Variants in COQ8B observed in about 807,000 individuals in gnomAD.
COQ8B encodes atypical kinase COQ8B, mitochondrial.
Under a neutral mutation model 62.0 loss-of-function variants are expected in COQ8B, and 44 were observed. That is an observed-to-expected ratio of 0.71 (90% CI 0.56 to 0.91). The LOEUF is 0.91. COQ8B is among the 40% of genes least tolerant of loss of function. COQ8B has a pLI of 0.00. For synonymous variants in COQ8B, 252 were observed against 289.9 expected, an observed-to-expected ratio of 0.87 and a Z score of 1.33; for missense variants, 649 against 731.6, an observed-to-expected ratio of 0.89 and a Z score of 1.30.
chr19:40,694,265 A>T (rs1401497173), intron 13 of COQ8B, among the ~76,000 whole-genome samples: 1 of 151,876 alleles, frequency 6.6e-6, no homozygotes, highest in Non-Finnish European at 1.5e-5. Flanking sequence ...TCTCCCAGCC[A>T]CCCCTCTGCC....
intron 1 of COQ8B, 76 bp from the exon 2 acceptor site, chr19:40,714,711 C>T (rs1176533646): frequency 1.4e-6 from 2 of 1,384,430 alleles, no homozygotes; most frequent in Non-Finnish European, 2.0e-6. Flanking sequence ...TCCTCTGTGT[C>T]CACCCTCTCT....
intron 9 of COQ8B, chr19:40,703,336 G>C: frequency 3.5e-6 from 2 of 574,280 alleles, no homozygotes; most frequent in Non-Finnish European, 3.1e-6. Context: ...TCTCTCTAAG[G>C]CTCTGTTAAA....
At chr19:40,694,633 T>C (rs1277280877) in intron 13 of COQ8B, among the ~76,000 whole-genome samples, 1 of 152,152 alleles carries the variant, frequency 6.6e-6, no homozygotes, top group Non-Finnish European at 1.5e-5. Context: ...AATCTGCACT[T>C]GCACAGGATC....
chr19:40,694,905 T>A (rs1386336446), intron 13 of COQ8B, among the ~76,000 whole-genome samples: 1 of 152,148 alleles, frequency 6.6e-6, no homozygotes, highest in Non-Finnish European at 1.5e-5. Context: ...CCATGCTAGG[T>A]CCTCACTGTC....
intron 5 of COQ8B, among the ~76,000 whole-genome samples, chr19:40,709,489 A>G (rs186646358): frequency 8.5e-5 from 13 of 152,206 alleles, no homozygotes; most frequent in African/African-American, 3.1e-4. Context: ...TGGCACTTCT[A>G]TTTTCAGCTT....
chr19:40,696,352 C>T lies in COQ8B; in HGVS notation c.1144-298G>A, dbSNP rs569449553. Among the ~76,000 whole-genome samples, 7 of 152,184 alleles carry T rather than the reference C, an allele frequency of 4.6e-5. No individual in the cohort carries two copies. The South Asian group carries it at 1.5e-3, about 32-fold the overall frequency. On this transcript the variant is annotated intron_variant, in intron 12 of 14. Coordinates refer to ENST00000324464, the MANE Select transcript of COQ8B (RefSeq NM_024876.4). The stretch of plus-strand genomic sequence containing the variant: ...TAAAATGAATACTCACAAATCCTGC[C>T]ACCCAGCCTAAAATATAAAATACTC...
In COQ8B at chr19:40,694,413, C is replaced by A. The variant is rs548858561; in HGVS notation, c.1210-1376G>T. 2.0e-5 allele frequency among the ~76,000 whole-genome samples: 3 copies of A among 152,354 alleles called. No individual in the cohort carries two copies. The East Asian group carries it at 5.8e-4, about 29-fold the overall frequency. On this transcript the variant is annotated intron_variant, in intron 13 of 14. Coordinates refer to ENST00000324464, the MANE Select transcript of COQ8B (RefSeq NM_024876.4). ...CTCCGCAGGGCACCTGGATACAGTACGAGCTGTAGAGCGCAGCCTCTAAAA... is the reference window on the plus strand; with the variant it reads ...CTCCGCAGGGCACCTGGATACAGTAAGAGCTGTAGAGCGCAGCCTCTAAAA...
intron 5 of COQ8B, among the ~76,000 whole-genome samples, chr19:40,705,944 A>G (rs556311545): frequency 1.9e-4 from 29 of 152,086 alleles, no homozygotes; most frequent in Admixed American, 1.4e-3. Context: ...AAAAAAAAAA[A>G]AAAAGAAAAG....
chr19:40,704,639 A>AATCCTGG (rs1277245387), intron 7 of COQ8B: 4 of 155,472 alleles, frequency 2.6e-5, no homozygotes, highest in African/African-American at 7.2e-5. Flanking sequence ...TGGGTGGCGG[A>AATCCTGG]ATCCTGGATT....
At position 40,703,718 on chromosome 19, in the gene COQ8B, G is replaced by T; in HGVS notation, c.714C>A (p.Ile238=). Residue 238 remains isoleucine (I), a synonymous_variant, in exon 8 of 15, where the codon ATC becomes ATA. Coordinates refer to ENST00000324464, the MANE Select transcript of COQ8B (RefSeq NM_024876.4). ...CCTGCCCAGCCTCCCCTCTCACCTG[G>T]ATCTTCACGGCCACCTCCGTCCCGT... The part of the protein sequence containing the change: ...LRDGTEVAVK[I]QYPGIAQSIQ... 2 of 1,614,100 alleles carry T rather than the reference G, an allele frequency of 1.2e-6. No homozygotes were observed. The highest frequency in any genetic ancestry group is 8.5e-7 in the Non-Finnish European group (1 of 1,180,016).
chr19:40,695,446 C>G (rs1428722181), intron 13 of COQ8B, among the ~76,000 whole-genome samples: 2 of 152,114 alleles, frequency 1.3e-5, no homozygotes, highest in East Asian at 3.8e-4. Context: ...TCTGCAGCCT[C>G]TAAGACAAAC....
At chr19:40,707,574 C>T (rs374267312) in intron 5 of COQ8B, among the ~76,000 whole-genome samples, 3 of 152,128 alleles carry the variant, frequency 2.0e-5, no homozygotes, top group Non-Finnish European at 2.9e-5. Context: ...CCTTACCCCC[C>T]ACCCAAGTAG....
chr19:40,710,179 T>C (rs1321417885), intron 4 of COQ8B, 43 bp from the exon 5 acceptor site: 4 of 1,583,470 alleles, frequency 2.5e-6, no homozygotes, highest in African/African-American at 1.3e-5. Context: ...TTGCCTGGGG[T>C]GCCCCCAGCC....
In COQ8B at chr19:40,692,382, G is replaced by A. The variant is rs1422165614; in HGVS notation, c.1297-9C>T. ...TGGGCGTCGGAGAATGCCTGGGAGT[G>A]GGGGTGGGGGGAGAGCAAAGGCAGC... On this transcript the variant is annotated splice_polypyrimidine_tract_variant and intron_variant, in intron 14 of 14. Coordinates refer to ENST00000324464, the MANE Select transcript of COQ8B (RefSeq NM_024876.4). The A allele has an allele frequency of 6.2e-7, 1 of 1,611,164 alleles. No individual in the cohort carries two copies. Among genetic ancestry groups the A allele is most frequent in the Non-Finnish European group, 8.5e-7 (1 of 1,179,176 alleles).
rs2081976951 is a variant in COQ8B, at chr19:40,692,216, G to A, written c.1454C>T (p.Thr485Ile). ...RHRLCPPPEE[T>I]YALHRKLAGA... ...TGCCAGCTTGCGGTGCAGGGCATAGGTCTCCTCGGGTGGGGGACACAGCCG... is the reference window on the plus strand; with the variant it reads ...TGCCAGCTTGCGGTGCAGGGCATAGATCTCCTCGGGTGGGGGACACAGCCG... Residue 485 changes from threonine to isoleucine, a missense_variant, in exon 15 of 15, where the codon ACC becomes ATC. Physicochemically the swap from Thr to Ile is moderately conservative, Grantham distance 89. Coordinates refer to ENST00000324464, the MANE Select transcript of COQ8B (RefSeq NM_024876.4). 3.1e-6 allele frequency: 5 copies of A among 1,604,984 alleles called. No individual in the cohort carries two copies. Among genetic ancestry groups the A allele is most frequent in the South Asian group, 1.1e-5 (1 of 89,826 alleles).
rs2082188161 is a variant in COQ8B at position 40,716,789 on chromosome 19, T to C, written c.-206A>G. On this transcript the variant is annotated 5_prime_UTR_variant, in exon 1 of 15. Transcript: ENST00000324464. Reference sequence around the variant, plus strand: ...TTGTCATTCAACCGTGTAGGGAGGGTGGTTTAGTCACAGGGGTGGAGGGAG... The same window carrying C: ...TTGTCATTCAACCGTGTAGGGAGGGCGGTTTAGTCACAGGGGTGGAGGGAG... 6.3e-6 allele frequency: 1 copy of C among 159,176 alleles called. No homozygotes were observed. Among genetic ancestry groups the C allele is most frequent in the South Asian group, 2.1e-4 (1 of 4,798 alleles). The allele number at this position is 159,176 out of a possible 1,614,324, so 9.9% of individuals were successfully genotyped here. A position where few individuals can be genotyped will look rare whatever the true frequency, so the allele number is the denominator to read the frequency against.
chr19:40,714,982 C>G, intron 1 of COQ8B: 1 of 1,037,108 alleles, frequency 9.6e-7, no homozygotes, highest in Non-Finnish European at 1.2e-6. Context: ...TGTAGGCACC[C>G]GCAATTCCTC....
intron 12 of COQ8B, among the ~76,000 whole-genome samples, chr19:40,698,220 G>GAA (rs200383076): frequency 7.1e-6 from 1 of 140,868 alleles, no homozygotes; most frequent in African/African-American, 2.7e-5. Context: ...TCATCTCGGG[G>GAA]AAAAAAAAGA....
chr19:40,715,132 C>A, intron 1 of COQ8B: 1 of 986,388 alleles, frequency 1.0e-6, no homozygotes, highest in Non-Finnish European at 1.2e-6. Context: ...CCGCCCCCTT[C>A]GGCCAGCCAA....
Sources: allele counts gnomAD v4.1 joint callset (sites outside exome capture counted in the v4.1 genomes callset), GRCh38; gene constraint gnomAD v4.1.1; transcripts MANE v1.5; gene names NCBI Gene and HGNC (gene_info 2026-07-23, HGNC 2026-07-21).